Variants in MT1B observed in about 807,000 individuals in gnomAD.
MT1B encodes metallothionein 1B, also known as metallothionein-1B.
In MT1B, 4 loss-of-function variants were observed where a neutral mutation model predicts 7.9. The observed-to-expected ratio is 0.51, with a 90% CI of 0.25 to 1.16. The LOEUF is 1.16. MT1B is among the 50% of genes most tolerant of loss of function. The probability of loss-of-function intolerance (pLI) is 0.15; values close to 1 mark genes in which losing one functional copy is unlikely to be tolerated. For missense variants in MT1B, 76 were observed against 75.2 expected (o/e 1.01, Z -0.04); for synonymous variants, 22 against 27.6 (o/e 0.80, Z 0.63).
chr16:56,651,890 C>T lies in MT1B; in HGVS notation c.-64C>T. The T allele has an allele frequency of 6.3e-7, 1 of 1,589,672 alleles. No individual in the cohort carries two copies. ...AGCAGCCAGCTCCTGGGCTCCATCA[C>T]ACCTTCCTCCTGCCCTGACTTCTCA... On this transcript the variant is annotated 5_prime_UTR_variant, in exon 1 of 3. Coordinates refer to ENST00000334346, the MANE Select transcript of MT1B (RefSeq NM_005947.3).
At chr16:56,652,483 A>T in intron 1 of MT1B, 88 bp from the exon 2 acceptor site, 1 of 1,275,052 alleles carries the variant, frequency 7.8e-7, no homozygotes, top group Non-Finnish European at 1.1e-6. Flanking sequence ...GGCCCTGCAC[A>T]GAGGATGGCG....
intron 2 of MT1B, 92 bp downstream of exon 2, chr16:56,652,728 G>A (rs1597074421): frequency 2.0e-6 from 3 of 1,498,212 alleles, no homozygotes; most frequent in Admixed American, 1.7e-5. Flanking sequence ...TTTGGGAACT[G>A]GTCTTCCTTT....
rs534911885 is a variant in MT1B at position 56,652,455 on chromosome 16, A to G, written c.29-116A>G. ...CTTCTGTTCCTCCGCTCTGAGTGGG[A>G]AAGGAGCTCTGATGGCTGGCCCTGC... is the stretch of plus-strand genomic sequence containing the variant. On this transcript the variant is annotated intron_variant, in intron 1 of 2. Coordinates refer to ENST00000334346, the MANE Select transcript of MT1B (RefSeq NM_005947.3). The G allele has an allele frequency of 2.8e-4, 284 of 1,014,242 alleles. 2 individuals carry two copies. In the South Asian group the frequency reaches 3.7e-3, roughly 13 times the overall value. 62.8% of individuals were successfully genotyped at this position (1,014,242 alleles called of 1,614,324 possible). A position where few individuals can be genotyped will look rare whatever the true frequency, so the allele number is the denominator to read the frequency against.
chr16:56,652,247 C>A (rs1201638734), intron 1 of MT1B, among the ~76,000 whole-genome samples: 1 of 152,234 alleles, frequency 6.6e-6, no homozygotes, highest in African/African-American at 2.4e-5. Flanking sequence ...CAGTGCTCTG[C>A]TCTAACTCTG....
In MT1B at chr16:56,653,034, G is replaced by C; in HGVS notation, c.155G>C (p.Gly52Ala). 1 of 1,613,880 alleles carries C rather than the reference G, an allele frequency of 6.2e-7. No homozygotes were observed. The highest frequency in any genetic ancestry group is 8.5e-7 in the Non-Finnish European group (1 of 1,179,982). The change falls in exon 3 of 3, where the codon GGC (glycine) becomes GCC (alanine). Residue 52 changes from glycine to alanine, a missense_variant. Coordinates refer to ENST00000334346, the MANE Select transcript of MT1B (RefSeq NM_005947.3). ...AKCAQGCVCK[G>A]SSEKCRCCA ...TGTGCCCAGGGCTGTGTCTGCAAAG[G>C]CTCATCAGAGAAGTGCCGCTGCTGT...
Position 56,652,992 on chromosome 16 carries a change from C to T in MT1B, c.113C>T (p.Pro38Leu). 1.2e-6 allele frequency: 2 copies of T among 1,613,402 alleles called. No individual in the cohort carries two copies. Among genetic ancestry groups the T allele is most frequent in the Non-Finnish European group, 8.5e-7 (1 of 1,179,998 alleles). ...TCCCCAGGCTGCTGCTCTTGCTGCC[C>T]CGTGGGCTGTGCCAAGTGTGCCCAG... Reference protein sequence around the residue: ...SCKKCCCSCCPVGCAKCAQGC... With the variant: ...SCKKCCCSCCLVGCAKCAQGC... Residue 38 changes from proline (P) to leucine (L), a missense_variant, in exon 3 of 3, where the codon CCC (proline) becomes CTC (leucine). Transcript: ENST00000334346.
At position 56,653,029 on chromosome 16, in the gene MT1B, CA is replaced by C; in HGVS notation, c.153del (p.Gly52AlafsTer33). ...CAKCAQGCVC[K>X]GSSEKCRCCA is the part of the protein sequence containing the mutation. ...CCAAGTGTGCCCAGGGCTGTGTCTG[CA>C]AAGGCTCATCAGAGAAGTGCCGCTG... On this transcript the variant is annotated frameshift_variant, in exon 3 of 3. Coordinates refer to ENST00000334346, the MANE Select transcript of MT1B (RefSeq NM_005947.3). LOFTEE classifies it high-confidence loss of function. 6.2e-7 allele frequency: 1 copy of C among 1,613,872 alleles called. No individual in the cohort carries two copies. Among genetic ancestry groups the C allele is most frequent in the Admixed American group, 1.7e-5 (1 of 60,032 alleles).
At chr16:56,652,010 G>T (rs766042737) in intron 1 of MT1B, 29 bp downstream of exon 1, 2 of 1,614,020 alleles carry the variant, frequency 1.2e-6, no homozygotes, top group South Asian at 2.2e-5. Context: ...TGGGCCTTGA[G>T]ATGCCCATTC....
intron 2 of MT1B, 24 bp from the exon 3 acceptor site, chr16:56,652,950 T>C (rs767696618): frequency 6.2e-7 from 1 of 1,611,178 alleles, no homozygotes; most frequent in East Asian, 2.2e-5. Context: ...AGCTGTGACC[T>C]CTCACTCTCC....
In MT1B at chr16:56,652,648, A is replaced by G; in HGVS notation, c.94+12A>G. 6.2e-7 allele frequency: 1 copy of G among 1,613,868 alleles called. No homozygotes were observed. The highest frequency in any genetic ancestry group is 8.5e-7 in the Non-Finnish European group (1 of 1,179,852). On this transcript the variant is annotated intron_variant, in intron 2 of 2. Transcript: ENST00000334346. ...CTCCTGCAAGAAGTGTGAGTGTGGG[A>G]TCATCTCCAGGAATCTGGGGCTGTG...
rs370531355 is a variant in MT1B, at chr16:56,652,974, G to A, written c.95G>A (p.Cys32Tyr). The A allele has an allele frequency of 4.3e-5, 70 of 1,612,956 alleles. 1 individual carries two copies. In the Admixed American group the frequency reaches 8.0e-4, roughly 18 times the overall value. ...CTCTCACTCTCCCCTTCTTCCCCAG[G>A]CTGCTGCTCTTGCTGCCCCGTGGGC... The part of the protein sequence containing the change: ...KECKCTSCKK[C>Y]CCSCCPVGCA... Residue 32 changes from cysteine (C) to tyrosine (Y), a missense_variant and splice_region_variant, in exon 3 of 3, where the codon TGC (cysteine) becomes TAC (tyrosine). By Grantham distance (194) the Cys-to-Tyr change is radical. Transcript: ENST00000334346.
In MT1B at chr16:56,651,892, C is replaced by T. The variant is rs1317375345; in HGVS notation, c.-62C>T. 7 of 1,594,950 alleles carry T rather than the reference C, an allele frequency of 4.4e-6. No individual in the cohort carries two copies. The Admixed American group carries it at 6.7e-5, about 15-fold the overall frequency. On this transcript the variant is annotated 5_prime_UTR_variant, in exon 1 of 3. Coordinates refer to ENST00000334346, the MANE Select transcript of MT1B (RefSeq NM_005947.3). Reference sequence around the variant, plus strand: ...CAGCCAGCTCCTGGGCTCCATCACACCTTCCTCCTGCCCTGACTTCTCATA... The same window carrying T: ...CAGCCAGCTCCTGGGCTCCATCACATCTTCCTCCTGCCCTGACTTCTCATA...
intron 1 of MT1B, among the ~76,000 whole-genome samples, 196 bp from the exon 2 acceptor site, chr16:56,652,375 G>C (rs1960565057): frequency 6.6e-6 from 1 of 152,146 alleles, no homozygotes; most frequent in African/African-American, 2.4e-5. Context: ...CTTCCTGATG[G>C]GGTATATAAA....
In MT1B at chr16:56,653,193, C is replaced by T. The variant is rs1395383339; in HGVS notation, c.*128C>T. 2.4e-6 allele frequency: 2 copies of T among 833,410 alleles called. No homozygotes were observed. Among genetic ancestry groups the T allele is most frequent in the Non-Finnish European group, 3.7e-6 (2 of 539,420 alleles). The allele number at this position is 833,410 out of a possible 1,614,324, so 51.6% of individuals were successfully genotyped here. On this transcript the variant is annotated 3_prime_UTR_variant, in exon 3 of 3. Transcript: ENST00000334346. Reference sequence around the variant, plus strand: ...TCAATATGTGAAAGACAATAAAACACTTTTGACTTGATTCTGACTCTCCTT... The same window carrying T: ...TCAATATGTGAAAGACAATAAAACATTTTTGACTTGATTCTGACTCTCCTT...
intron 1 of MT1B, 27 bp downstream of exon 1, chr16:56,652,008 G>A: frequency 6.2e-7 from 1 of 1,614,102 alleles, no homozygotes; most frequent in South Asian, 1.1e-5. Context: ...TCTGGGCCTT[G>A]AGATGCCCAT....
chr16:56,652,885 G>C, intron 2 of MT1B, 89 bp from the exon 3 acceptor site: 1 of 1,427,130 alleles, frequency 7.0e-7, no homozygotes, highest in African/African-American at 1.4e-5. Flanking sequence ...TCTGGGTGTG[G>C]GGGCTGAACT....
intron 1 of MT1B, 29 bp from the exon 2 acceptor site, chr16:56,652,542 T>C: frequency 1.9e-6 from 3 of 1,610,420 alleles, no homozygotes; most frequent in Non-Finnish European, 2.5e-6. Context: ...TCTTACTCAC[T>C]GCCCACTGCC....
In MT1B at chr16:56,653,031, A is replaced by G; in HGVS notation, c.152A>G (p.Lys51Arg). ...CAKCAQGCVCKGSSEKCRCCA is the reference protein window; with the variant it reads ...CAKCAQGCVCRGSSEKCRCCA ...AAGTGTGCCCAGGGCTGTGTCTGCA[A>G]AGGCTCATCAGAGAAGTGCCGCTGC... The change falls in exon 3 of 3, where the codon AAA (lysine) becomes AGA (arginine). Residue 51 changes from lysine to arginine, a missense_variant. Physicochemically the swap from Lys to Arg is conservative, Grantham distance 26. Transcript: ENST00000334346. The G allele has an allele frequency of 1.2e-6, 2 of 1,613,868 alleles. No individual in the cohort carries two copies. The highest frequency in any genetic ancestry group is 2.2e-5 in the South Asian group (2 of 91,064).
In MT1B at chr16:56,651,950, C is replaced by T; in HGVS notation, c.-4C>T. 1 of 1,614,230 alleles carries T rather than the reference C, an allele frequency of 6.2e-7. No homozygotes were observed. Among genetic ancestry groups the T allele is most frequent in the Non-Finnish European group, 8.5e-7 (1 of 1,180,036 alleles). ...TAGGAACTCCAGGCTTGTCTTGGCT[C>T]CAAATGGATCCCAACTGCTCCTGCA... On this transcript the variant is annotated 5_prime_UTR_variant, in exon 1 of 3. Coordinates refer to ENST00000334346, the MANE Select transcript of MT1B (RefSeq NM_005947.3).
Sources: gnomAD v4.1 joint callset for allele counts (sites outside exome capture counted in the v4.1 genomes callset) on GRCh38, gnomAD v4.1.1 for gene constraint, MANE v1.5 for transcripts, NCBI Gene and HGNC (gene_info 2026-07-23, HGNC 2026-07-21) for gene names.